Variants in ABCA10 observed in about 807,000 individuals in gnomAD.
ABCA10 encodes ATP binding cassette subfamily A member 10.
ABCA10 carries 169 observed loss-of-function variants against 187.5 expected under a neutral mutation model. The ratio of observed to expected loss-of-function variants is 0.90; its 90% CI spans 0.80 to 1.02. The LOEUF (loss-of-function observed/expected upper bound fraction) is 1.02. ABCA10 is among the 50% of genes least tolerant of loss of function. The probability of loss-of-function intolerance (pLI) is 0.00; values close to 1 mark genes in which losing one functional copy is unlikely to be tolerated. For missense variants in ABCA10, 1,727 were observed against 1,812.4 expected, an observed-to-expected ratio of 0.95 and a Z score of 0.86; for synonymous variants, 574 against 601.8, an observed-to-expected ratio of 0.95 and a Z score of 0.68.
chr17:69,162,840 T>TATAC (rs67276822), intron 27 of ABCA10, among the ~76,000 whole-genome samples: 12,513 of 138,724 alleles, frequency 0.09, 1,854 homozygotes, highest in African/African-American at 0.31. Context: ...TACATATACA[T>TATAC]ATATATATAT....
At chr17:69,240,452 A>G (rs1257354587) in intron 1 of ABCA10, among the ~76,000 whole-genome samples, 2 of 152,162 alleles carry the variant, frequency 1.3e-5, no homozygotes, top group Non-Finnish European at 2.9e-5. Flanking sequence ...TAGGCAGTTC[A>G]TTTCAGCATC....
At position 69,208,657 on chromosome 17, in the gene ABCA10, A is replaced by C. The variant is rs1287061312; in HGVS notation, c.1006+6047T>G. 4.6e-5 allele frequency among the ~76,000 whole-genome samples: 7 copies of C among 152,264 alleles called. No homozygotes were observed. In the East Asian group the frequency reaches 1.3e-3, roughly 29 times the overall value. On this transcript the variant is annotated intron_variant, in intron 9 of 38. Transcript: ENST00000690296. ...TATTATAAAGGATAACGAATGATGG[A>C]CAAAGGATAAAACAAGAGATTCCAA...
At chr17:69,181,900 A>AATAT (rs761704122) in intron 22 of ABCA10, among the ~76,000 whole-genome samples, 3 of 150,184 alleles carry the variant, frequency 2.0e-5, no homozygotes, top group African/African-American at 7.3e-5. Flanking sequence ...TTTATATGTA[A>AATAT]ATATATATAT....
rs148051664 is a variant in ABCA10, at chr17:69,203,815, T to C, written c.1007-2147A>G. On this transcript the variant is annotated intron_variant, in intron 9 of 38. Coordinates refer to ENST00000690296, the MANE Select transcript of ABCA10 (RefSeq NM_001377321.1). Reference sequence around the variant, plus strand: ...TTGTGTTAAGGATAGTTTAAAAGCCTATCTGCTATGCTATAACCATCACTG... The same window carrying C: ...TTGTGTTAAGGATAGTTTAAAAGCCCATCTGCTATGCTATAACCATCACTG... Among the ~76,000 whole-genome samples the C allele has an allele frequency of 1.7e-3, 253 of 152,346 alleles. 4 individuals are homozygous for C. In the East Asian group the frequency reaches 0.042, roughly 25 times the overall value.
chr17:69,207,767 A>G (rs1192653425), intron 9 of ABCA10, among the ~76,000 whole-genome samples: 1 of 152,156 alleles, frequency 6.6e-6, no homozygotes, highest in Non-Finnish European at 1.5e-5. Flanking sequence ...GTGGAGAGAG[A>G]GCAGGGATTG....
chr17:69,152,377 ACCATCATGG>A lies in ABCA10; in HGVS notation c.4232_4240del (p.Ala1411_Met1413del). The A allele has an allele frequency of 6.2e-7, 1 of 1,613,856 alleles. No homozygotes were observed. The highest frequency in any genetic ancestry group is 8.5e-7 in the Non-Finnish European group (1 of 1,179,898). On this transcript the variant is annotated inframe_deletion, in exon 35 of 39. Coordinates refer to ENST00000690296, the MANE Select transcript of ABCA10 (RefSeq NM_001377321.1). ...AGGCACCCACCTTAGCGTTCCTGAC[ACCATCATGG>A]CCATACGGTCACACACAGCCTCAGC...
chr17:69,212,523 T>C (rs1232333824), intron 9 of ABCA10, among the ~76,000 whole-genome samples: 1 of 152,252 alleles, frequency 6.6e-6, no homozygotes, highest in Admixed American at 6.5e-5. Flanking sequence ...GTTAACTTTC[T>C]ATCTTGATGA....
intron 1 of ABCA10, among the ~76,000 whole-genome samples, chr17:69,243,141 T>C (rs551371517): frequency 1.8e-4 from 27 of 152,340 alleles, no homozygotes; most frequent in Admixed American, 4.6e-4. Flanking sequence ...TAGTGTGAGA[T>C]AGCTCTTTTA....
chr17:69,242,212 A>G (rs889529958), intron 1 of ABCA10, among the ~76,000 whole-genome samples: 4 of 152,226 alleles, frequency 2.6e-5, no homozygotes, highest in Admixed American at 6.5e-5. Context: ...TCACATAACA[A>G]TATCAATAGT....
intron 18 of ABCA10, among the ~76,000 whole-genome samples, chr17:69,188,144 A>C (rs1162285065): frequency 2.6e-5 from 4 of 152,196 alleles, no homozygotes; most frequent in Non-Finnish European, 4.4e-5. Flanking sequence ...GTAGCTCTTC[A>C]CTAATGGATA....
intron 11 of ABCA10, among the ~76,000 whole-genome samples, chr17:69,195,481 A>G (rs966717077): frequency 2.0e-5 from 3 of 151,232 alleles, no homozygotes; most frequent in African/African-American, 7.3e-5. Flanking sequence ...AATTTTCCAC[A>G]ATAATGATAT....
At position 69,219,554 on chromosome 17, in the gene ABCA10, G is replaced by A. The variant is rs866486757; in HGVS notation, c.521C>T (p.Ser174Leu). Reference protein sequence around the residue: ...KLMTVMGLRESAFWLSWGLTY... With the variant: ...KLMTVMGLRELAFWLSWGLTY... Reference sequence around the variant, plus strand: ...TAGCAACTTAACTTACCAGAATGCTGACTCTCGGAGACCCATCACTGTCAT... The same window carrying A: ...TAGCAACTTAACTTACCAGAATGCTAACTCTCGGAGACCCATCACTGTCAT... The change falls in exon 6 of 39, where the codon TCA (serine) becomes TTA (leucine). Residue 174 changes from serine (S) to leucine (L), a missense_variant. By Grantham distance (145) the Ser-to-Leu change is moderately radical. Transcript: ENST00000690296. 1.9e-6 allele frequency: 3 copies of A among 1,569,228 alleles called. No homozygotes were observed. The highest frequency in any genetic ancestry group is 2.7e-5 in the African/African-American group (2 of 73,048).
At chr17:69,193,064 G>GTTT in intron 15 of ABCA10, 46 bp downstream of exon 15, 2 of 1,549,098 alleles carry the variant, frequency 1.3e-6, no homozygotes, top group Non-Finnish European at 1.7e-6. Flanking sequence ...TAACTCTCAT[G>GTTT]TTAAATCCTT....
At chr17:69,180,010 G>A (rs949366675) in intron 22 of ABCA10, among the ~76,000 whole-genome samples, 9 of 152,136 alleles carry the variant, frequency 5.9e-5, no homozygotes, top group African/African-American at 4.8e-5. Flanking sequence ...GAGTTTGTCC[G>A]ACAAAGGCTA....
chr17:69,154,042 T>G (rs2074152988), intron 31 of ABCA10, 33 bp from the exon 32 acceptor site: 1 of 1,598,244 alleles, frequency 6.3e-7, no homozygotes, highest in African/African-American at 1.3e-5. Context: ...GATTCACCTT[T>G]GGTTTTTGCT....
intron 1 of ABCA10, among the ~76,000 whole-genome samples, chr17:69,239,565 T>C (rs2074892077): frequency 6.6e-6 from 1 of 152,124 alleles, no homozygotes; most frequent in Non-Finnish European, 1.5e-5. Flanking sequence ...CTAGAGGCCG[T>C]GCTAAAATTT....
At chr17:69,231,797 G>A (rs2074833475), upstream of ABCA10, among the ~76,000 whole-genome samples, 1 of 151,736 alleles carries the variant, frequency 6.6e-6, no homozygotes, top group South Asian at 2.1e-4. Context: ...GGTCTAATAT[G>A]TGGTTTAATT....
chr17:69,192,432 T>C (rs2074467545), intron 16 of ABCA10, 131 bp downstream of exon 16: 1 of 685,244 alleles, frequency 1.5e-6, no homozygotes, highest in African/African-American at 1.8e-5. Context: ...GGAAGACATT[T>C]TGAGCTGTTT....
intron 18 of ABCA10, 52 bp downstream of exon 18, chr17:69,190,302 ATCTT>A: frequency 6.7e-7 from 1 of 1,486,800 alleles, no homozygotes; most frequent in Non-Finnish European, 8.9e-7. Flanking sequence ...TTAGAACATC[ATCTT>A]TTTCTCTTCT....
Sources: gnomAD v4.1 joint callset for allele counts (sites outside exome capture counted in the v4.1 genomes callset) on GRCh38, gnomAD v4.1.1 for gene constraint, MANE v1.5 for transcripts, NCBI Gene and HGNC (gene_info 2026-07-23, HGNC 2026-07-21) for gene names.